The following PTPRT variants were observed in gnomAD, a reference collection of about 807,000 sequenced individuals.
PTPRT encodes protein tyrosine phosphatase receptor type T.
A neutral mutation model predicts 176.8 loss-of-function variants in PTPRT; 56 were observed. The ratio of observed to expected loss-of-function variants is 0.32; its 90% CI spans 0.26 to 0.40. The LOEUF (loss-of-function observed/expected upper bound fraction) is 0.40. PTPRT is among the 10% of genes least tolerant of loss of function. PTPRT has a pLI of 1.00. For missense variants in PTPRT, 1,540 were observed against 1,908.2 expected, an observed-to-expected ratio of 0.81 and a Z score of 3.60; for synonymous variants, 783 against 739.0, an observed-to-expected ratio of 1.06 and a Z score of -0.96.
chr20:43,023,548 G>A (rs1985788842), intron 1 of PTPRT, among the ~76,000 whole-genome samples: 1 of 152,174 alleles, frequency 6.6e-6, no homozygotes. Flanking sequence ...TTCCTGAGTG[G>A]AACTGAGACA....
rs2145522422 is a variant in PTPRT at position 42,352,101 on chromosome 20, A to G, written c.1745T>C (p.Ile582Thr). The G allele has an allele frequency of 6.2e-7, 1 of 1,613,876 alleles. No individual in the cohort carries two copies. Among genetic ancestry groups the G allele is most frequent in the Non-Finnish European group, 8.5e-7 (1 of 1,179,836 alleles). Residue 582 changes from isoleucine (I) to threonine (T), a missense_variant, in exon 10 of 31, where the codon ATT (isoleucine) becomes ACT (threonine). Ile to Thr is a moderately conservative substitution (Grantham distance 89). Around this residue, in one of 11 missense-constraint regions of PTPRT, gnomAD observed 136 missense variants for 135.0 expected, o/e 1.01. Transcript: ENST00000373187. ...KGFGPPVTTRIATKISAPSMP... is the reference protein window; with the variant it reads ...KGFGPPVTTRTATKISAPSMP... ...AGAGATACCTGAAATTTTGGTGGCA[A>G]TCCGAGTGGTGACAGGGGGCCCAAA...
At chr20:42,694,323 C>T (rs1001683331) in intron 6 of PTPRT, among the ~76,000 whole-genome samples, 4 of 152,192 alleles carry the variant, frequency 2.6e-5, no homozygotes, top group African/African-American at 4.8e-5. Flanking sequence ...CAGGCATGAG[C>T]CACTATGCCC....
At chr20:43,112,009 C>T (rs575072193) in intron 1 of PTPRT, among the ~76,000 whole-genome samples, 2 of 152,212 alleles carry the variant, frequency 1.3e-5, no homozygotes, top group African/African-American at 2.4e-5. Flanking sequence ...ACTCTTCTCA[C>T]CTCCCGCCCA....
chr20:42,324,971 G>T (rs905575247), intron 11 of PTPRT, among the ~76,000 whole-genome samples: 2 of 152,178 alleles, frequency 1.3e-5, no homozygotes, highest in African/African-American at 4.8e-5. Context: ...CTATCTGTCT[G>T]TCTTTTATAC....
intron 7 of PTPRT, among the ~76,000 whole-genome samples, chr20:42,653,693 A>T (rs1215459707): frequency 6.6e-6 from 1 of 152,198 alleles, no homozygotes; most frequent in Admixed American, 6.5e-5. Context: ...TATTTAAAAA[A>T]TAGTTTCATT....
intron 7 of PTPRT, among the ~76,000 whole-genome samples, chr20:42,533,206 C>A (rs1479408441): frequency 6.6e-6 from 1 of 152,136 alleles, no homozygotes; most frequent in Non-Finnish European, 1.5e-5. Flanking sequence ...TTGATGAAAT[C>A]GCTACTGGCC....
intron 7 of PTPRT, among the ~76,000 whole-genome samples, chr20:42,667,358 A>C (rs1307172951): frequency 6.6e-6 from 1 of 152,214 alleles, no homozygotes; most frequent in Non-Finnish European, 1.5e-5. Flanking sequence ...AAGAATTACA[A>C]GTAAAATATT....
At chr20:42,072,360 G>A (rs1982385955), downstream of PTPRT, among the ~76,000 whole-genome samples, 1 of 152,170 alleles carries the variant, frequency 6.6e-6, no homozygotes, top group African/African-American at 2.4e-5. Context: ...TCAAGTTACT[G>A]AGTTTTGGGT....
chr20:42,229,734 A>G (rs1359075579), intron 15 of PTPRT, among the ~76,000 whole-genome samples: 1 of 152,236 alleles, frequency 6.6e-6, no homozygotes, highest in East Asian at 1.9e-4. Context: ...GGCAACTGAG[A>G]TTCAGAAAAA....
intron 6 of PTPRT, among the ~76,000 whole-genome samples, chr20:42,741,967 T>A (rs2076617389): frequency 6.6e-6 from 1 of 152,192 alleles, no homozygotes; most frequent in African/African-American, 2.4e-5. Context: ...CTGAAAAAGT[T>A]GGTTGGTCAC....
chr20:42,966,034 C>G (rs1982273912), intron 1 of PTPRT, among the ~76,000 whole-genome samples: 1 of 152,098 alleles, frequency 6.6e-6, no homozygotes, highest in Non-Finnish European at 1.5e-5. Context: ...AGAAAACTAC[C>G]CAGATAGGTC....
intron 27 of PTPRT, among the ~76,000 whole-genome samples, chr20:42,090,055 A>G (rs1044738929): frequency 6.6e-6 from 1 of 152,138 alleles, no homozygotes; most frequent in African/African-American, 2.4e-5. Flanking sequence ...TCGTGGCTCT[A>G]TCACTTTCTA....
At position 42,535,071 on chromosome 20, in the gene PTPRT, T is replaced by C. The variant is rs146635121; in HGVS notation, c.1154-62509A>G. Among the ~76,000 whole-genome samples, 904 of 152,242 alleles carry C rather than the reference T, an allele frequency of 5.9e-3. 3 individuals carry two copies. The highest frequency in any genetic ancestry group is 9.9e-3 in the Non-Finnish European group (671 of 67,996). On this transcript the variant is annotated intron_variant, in intron 7 of 30. Coordinates refer to ENST00000373187, the MANE Select transcript of PTPRT (RefSeq NM_007050.6). ...GTTAATGAACCTGCCTGAAGTCATA[T>C]ATAGCTAGTAAATAAGGCGCTGTTA... is the stretch of plus-strand genomic sequence containing the variant.
intron 2 of PTPRT, among the ~76,000 whole-genome samples, chr20:42,874,401 C>T (rs1425113458): frequency 6.6e-6 from 1 of 151,902 alleles, no homozygotes; most frequent in Non-Finnish European, 1.5e-5. Context: ...AAAAGTAAAG[C>T]ATTTCTTCCA....
intron 17 of PTPRT, among the ~76,000 whole-genome samples, chr20:42,152,074 T>A (rs1040799958): frequency 6.6e-6 from 1 of 152,224 alleles, no homozygotes; most frequent in African/African-American, 2.4e-5. Context: ...TCGAAGAGCA[T>A]TGCATCTATG....
At chr20:42,399,341 T>C (rs1326726572) in intron 9 of PTPRT, among the ~76,000 whole-genome samples, 1 of 152,236 alleles carries the variant, frequency 6.6e-6, no homozygotes, top group African/African-American at 2.4e-5. Context: ...GTAGGAACTA[T>C]GGCACCCTCA....
intron 1 of PTPRT, among the ~76,000 whole-genome samples, chr20:43,121,481 C>A (rs2013255085): frequency 6.6e-6 from 1 of 151,940 alleles, no homozygotes; most frequent in African/African-American, 2.4e-5. Flanking sequence ...CTTACCAACA[C>A]AGGCATTTTG....
intron 7 of PTPRT, among the ~76,000 whole-genome samples, chr20:42,506,247 G>A (rs1199183026): frequency 6.6e-6 from 1 of 152,088 alleles, no homozygotes; most frequent in East Asian, 1.9e-4. Context: ...TACATATGGG[G>A]AATATGTGCT....
chr20:42,817,017 G>C (rs1311556907), intron 2 of PTPRT, among the ~76,000 whole-genome samples: 1 of 152,206 alleles, frequency 6.6e-6, no homozygotes, highest in Admixed American at 6.5e-5. Context: ...ATGGTTCCTA[G>C]AACAAGAAGC....
Sources: gnomAD v4.1 joint callset for allele counts (sites outside exome capture counted in the v4.1 genomes callset) on GRCh38, gnomAD v4.1.1 for gene constraint, gnomAD v4.1.1 regional missense constraint, MANE v1.5 for transcripts, NCBI Gene and HGNC (gene_info 2026-07-23, HGNC 2026-07-21) for gene names.